Variants in RYR2 observed in about 807,000 individuals in gnomAD.
The protein encoded by RYR2 is ryanodine receptor 2.
A neutral mutation model predicts 601.1 loss-of-function variants in RYR2; 227 were observed. The ratio of observed to expected loss-of-function variants is 0.38; its 90% confidence interval spans 0.34 to 0.42. The LOEUF is 0.42. Ranked by LOEUF, RYR2 falls within the 10% of genes least tolerant of loss-of-function variation. RYR2 has a pLI of 1.00. For synonymous variants in RYR2, 2,223 were observed against 2,175.1 expected (o/e 1.02, Z -0.61); for missense variants, 4,646 against 6,156.5 (o/e 0.75, Z 8.21).
chr1:237,313,732 A>G (rs1694805954), intron 2 of RYR2, among the ~76,000 whole-genome samples: 1 of 152,216 alleles, frequency 6.6e-6, no homozygotes, highest in African/African-American at 2.4e-5. Context: ...TATGTAGGAA[A>G]AGAAATTTGA....
chr1:237,370,387 A>G (rs114862089), intron 6 of RYR2, among the ~76,000 whole-genome samples: 2 of 152,212 alleles, frequency 1.3e-5, no homozygotes, highest in African/African-American at 4.8e-5. Context: ...CTGTATTATA[A>G]TAAAGTAAGC....
At chr1:237,093,988 G>A (rs1667243302) in intron 1 of RYR2, among the ~76,000 whole-genome samples, 1 of 152,188 alleles carries the variant, frequency 6.6e-6, no homozygotes, top group African/African-American at 2.4e-5. Flanking sequence ...ACCCTAGGCA[G>A]TGGCGACAGG....
chr1:237,082,524 CATATATATATAT>C lies in RYR2; in HGVS notation c.48+39977_48+39988del, dbSNP rs71561856. The stretch of plus-strand genomic sequence containing the variant: ...TGTTATATTCTTTCAAATAGGAAAA[CATATATATATAT>C]ATATATATATATATATATATAAAAT... On this transcript the variant is annotated intron_variant, in intron 1 of 104. Coordinates refer to ENST00000366574, the MANE Select transcript of RYR2 (RefSeq NM_001035.3). 1.1e-3 allele frequency among the ~76,000 whole-genome samples: 88 copies of C among 80,004 alleles called. 3 individuals are homozygous for C. The highest frequency in any genetic ancestry group is 2.6e-3 in the South Asian group (5 of 1,930). The allele number at this position is 80,004 out of a possible 152,430, so 52.5% of individuals were successfully genotyped here.
chr1:237,079,811 G>A lies in RYR2; in HGVS notation c.48+37242G>A, dbSNP rs1275698770. On this transcript the variant is annotated intron_variant, in intron 1 of 104. Transcript: ENST00000366574. ...TTCACATGGAACCAAAAAAGAGCCC[G>A]CATTGCCAAGTCAATCCTAAGCCAA... Among the ~76,000 whole-genome samples the A allele has an allele frequency of 6.8e-4, 95 of 139,620 alleles. 1 individual carries two copies. The East Asian group carries it at 0.017, about 25-fold the overall frequency. The allele number at this position is 139,620 out of a possible 152,430, so 91.6% of individuals were successfully genotyped here.
chr1:237,237,914 CCTTTT>C (rs1478332903), intron 1 of RYR2, among the ~76,000 whole-genome samples: 2 of 148,082 alleles, frequency 1.4e-5, no homozygotes, highest in East Asian at 2.1e-4. Context: ...TTTTTCCTTT[CCTTTT>C]CCCTTTCCCT....
intron 48 of RYR2, among the ~76,000 whole-genome samples, chr1:237,647,082 T>G (rs1004350649): frequency 2.0e-5 from 3 of 152,246 alleles, no homozygotes; most frequent in African/African-American, 7.2e-5. Context: ...TACATTTAAA[T>G]TCCTTTTTAA....
chr1:237,376,716 C>G (rs1232613610), intron 7 of RYR2, among the ~76,000 whole-genome samples: 1 of 152,050 alleles, frequency 6.6e-6, no homozygotes, highest in African/African-American at 2.4e-5. Context: ...TGATGTAAAC[C>G]AAGATCTTTT....
intron 58 of RYR2, among the ~76,000 whole-genome samples, chr1:237,673,088 T>A (rs762005687): frequency 6.6e-6 from 1 of 152,232 alleles, no homozygotes; most frequent in Non-Finnish European, 1.5e-5. Context: ...TATTGGAAAC[T>A]GATTTCATAG....
At chr1:237,461,234 T>A (rs1026241030) in intron 16 of RYR2, among the ~76,000 whole-genome samples, 2 of 152,208 alleles carry the variant, frequency 1.3e-5, no homozygotes, top group Non-Finnish European at 2.9e-5. Context: ...CATCTGCATC[T>A]TTACCATCTG....
chr1:237,180,665 TAC>T lies in RYR2; in HGVS notation c.49-89830_49-89829del, dbSNP rs1186588399. Among the ~76,000 whole-genome samples the T allele has an allele frequency of 4.7e-5, 6 of 127,168 alleles. No individual in the cohort carries two copies. The highest frequency in any genetic ancestry group is 2.4e-4 in the East Asian group (1 of 4,084). 83.4% of individuals were successfully genotyped at this position (127,168 alleles called of 152,430 possible). On this transcript the variant is annotated intron_variant, in intron 1 of 104. Transcript: ENST00000366574. The surrounding 1 kb of genome is among the most constrained non-coding windows in gnomAD (Gnocchi z 5.3). ...GTATATGTATATGTGTATATATGTA[TAC>T]ATGTGTATATATGTGTATATATGTA...
chr1:237,112,832 C>T (rs1669649214), intron 1 of RYR2, among the ~76,000 whole-genome samples: 1 of 152,100 alleles, frequency 6.6e-6, no homozygotes, highest in African/African-American at 2.4e-5. Context: ...TTGGTTTATG[C>T]TCCATCATGT....
chr1:237,366,524 C>T (rs537796353), intron 5 of RYR2, among the ~76,000 whole-genome samples: 2 of 152,022 alleles, frequency 1.3e-5, no homozygotes, highest in Non-Finnish European at 2.9e-5. Flanking sequence ...GGCTCAGCCT[C>T]CTAGGTAGTT....
intron 71 of RYR2, among the ~76,000 whole-genome samples, chr1:237,713,670 T>C (rs943344929): frequency 6.6e-6 from 1 of 152,136 alleles, no homozygotes; most frequent in Admixed American, 6.5e-5. Flanking sequence ...GTACCTGGAT[T>C]GCACTCCAGC....
chr1:237,214,550 C>T (rs994170848), intron 1 of RYR2, among the ~76,000 whole-genome samples: 1 of 152,184 alleles, frequency 6.6e-6, no homozygotes, highest in East Asian at 1.9e-4. Flanking sequence ...TCACTCATTA[C>T]TGCAAGGTAT....
chr1:237,756,178 A>C, intron 80 of RYR2, 110 bp from the exon 81 acceptor site: 1 of 685,442 alleles, frequency 1.5e-6, no homozygotes, highest in South Asian at 1.7e-5. Flanking sequence ...GAAATGGTCC[A>C]TAATGTTGTC....
At chr1:237,153,978 G>T (rs1675024182) in intron 1 of RYR2, among the ~76,000 whole-genome samples, 1 of 152,228 alleles carries the variant, frequency 6.6e-6, no homozygotes, top group Non-Finnish European at 1.5e-5. Context: ...AGATTTAAAG[G>T]GTGGATGACC....
intron 1 of RYR2, among the ~76,000 whole-genome samples, chr1:237,124,644 TAG>T (rs562857376): frequency 2.6e-5 from 4 of 152,228 alleles, no homozygotes; most frequent in Non-Finnish European, 4.4e-5. Flanking sequence ...CAATGGCTAG[TAG>T]AGTCTTTCTC....
At chr1:237,432,876 G>GTTT (rs533791336) in intron 12 of RYR2, among the ~76,000 whole-genome samples, 1 of 136,484 alleles carries the variant, frequency 7.3e-6, no homozygotes. Context: ...TCTTTTTGTT[G>GTTT]TTTTTTTTTT....
Position 237,574,442 on chromosome 1 carries a change from G to C in RYR2, c.3598+5123G>C, listed in dbSNP as rs556037921. 2.2e-4 allele frequency among the ~76,000 whole-genome samples: 34 copies of C among 152,256 alleles called. No individual in the cohort carries two copies. In the South Asian group the frequency reaches 6.8e-3, roughly 31 times the overall value. On this transcript the variant is annotated intron_variant, in intron 29 of 104. Transcript: ENST00000366574. ...CCATTTTATATAACCCTCTCCTCTT[G>C]AGTGTCAGCAGAACTTGTGAATATG...
Sources: allele counts gnomAD v4.1 joint callset (sites outside exome capture counted in the v4.1 genomes callset), GRCh38; gene constraint gnomAD v4.1.1; non-coding constraint Gnocchi (gnomAD v3.1); transcripts MANE v1.5; gene names NCBI Gene and HGNC (gene_info 2026-07-23, HGNC 2026-07-21).